Variants in WWOX observed in about 807,000 individuals in gnomAD.
The protein encoded by WWOX is WW domain containing oxidoreductase, also known as WW domain-containing oxidoreductase.
WWOX carries 69 observed loss-of-function variants against 46.2 expected under a neutral mutation model. That is an observed-to-expected ratio of 1.49 (90% CI 1.23 to 1.82). The LOEUF (loss-of-function observed/expected upper bound fraction) is 1.82, where lower values mean the gene tolerates loss of function less well. Ranked by LOEUF, WWOX falls within the 40% of genes most tolerant of loss-of-function variation. The pLI, the probability that WWOX is intolerant of heterozygous loss-of-function variation, is 0.00. For synonymous variants in WWOX, 359 were observed against 202.6 expected (o/e 1.77, Z -6.56); for missense variants, 919 against 542.6 (o/e 1.69, Z -6.89).
intron 6 of WWOX, among the ~76,000 whole-genome samples, chr16:78,413,274 C>G (rs1260944832): frequency 1.3e-5 from 2 of 152,238 alleles, no homozygotes; most frequent in African/African-American, 2.4e-5. Flanking sequence ...TGCTGATTGT[C>G]TCACGTGTCC....
chr16:78,788,049 T>A (rs2050499248), intron 8 of WWOX, among the ~76,000 whole-genome samples: 1 of 152,224 alleles, frequency 6.6e-6, no homozygotes, highest in Non-Finnish European at 1.5e-5. Flanking sequence ...TACTAGACCC[T>A]TATCGTATAA....
intron 8 of WWOX, among the ~76,000 whole-genome samples, chr16:78,454,362 G>A (rs12051248): frequency 3.6e-4 from 1 of 2,762 alleles, no homozygotes; most frequent in Non-Finnish European, 1.0e-3. Flanking sequence ...ATATTCGTGT[G>A]TGTGTGTGTG....
chr16:78,205,392 C>G (rs930466927), intron 5 of WWOX, among the ~76,000 whole-genome samples: 11 of 114,944 alleles, frequency 9.6e-5, no homozygotes, highest in African/African-American at 2.9e-4. Flanking sequence ...ATTCTTCTAT[C>G]CATCCAACCG....
chr16:78,455,819 C>T (rs2083804715), intron 8 of WWOX, among the ~76,000 whole-genome samples: 1 of 149,988 alleles, frequency 6.7e-6, no homozygotes, highest in Non-Finnish European at 1.5e-5. Flanking sequence ...CCACCAAGGA[C>T]CTCATGTTAA....
At chr16:78,820,874 C>T (rs1348001983) in intron 8 of WWOX, among the ~76,000 whole-genome samples, 2 of 152,088 alleles carry the variant, frequency 1.3e-5, no homozygotes, top group Admixed American at 1.3e-4. Context: ...TCTTGATGTC[C>T]CTTGGCTTGG....
chr16:78,315,387 G>A (rs1311298289), intron 5 of WWOX, among the ~76,000 whole-genome samples: 1 of 152,192 alleles, frequency 6.6e-6, no homozygotes, highest in African/African-American at 2.4e-5. Flanking sequence ...GGTGGCTCAA[G>A]CCTGTAATCC....
At chr16:78,519,015 A>G (rs919743378) in intron 8 of WWOX, among the ~76,000 whole-genome samples, 1 of 152,192 alleles carries the variant, frequency 6.6e-6, no homozygotes, top group Non-Finnish European at 1.5e-5. Context: ...TGGCAAGTGG[A>G]TAGGTCTAGT....
chr16:78,912,184 T>A (rs1047854790), intron 8 of WWOX, among the ~76,000 whole-genome samples: 1 of 152,078 alleles, frequency 6.6e-6, no homozygotes, highest in African/African-American at 2.4e-5. Flanking sequence ...ACATAATTAA[T>A]ACTAGCTCTT....
At chr16:78,999,273 C>G (rs1597256409) in intron 8 of WWOX, among the ~76,000 whole-genome samples, 4 of 152,056 alleles carry the variant, frequency 2.6e-5, no homozygotes, top group Admixed American at 2.6e-4. Flanking sequence ...GAGTTCGAGA[C>G]CAGCCTGACC....
In WWOX at chr16:78,849,842, G is replaced by T. The variant is rs1344843430; in HGVS notation, c.1057-361766G>T. On this transcript the variant is annotated intron_variant, in intron 8 of 8. Coordinates refer to ENST00000566780, the MANE Select transcript of WWOX (RefSeq NM_016373.4). ...AATCCCAGCACTTTGGGAGGCCGAG[G>T]TGGTCAGATCACCTAAGGTTGGGAG... Among the ~76,000 whole-genome samples, 4 of 152,264 alleles carry T rather than the reference G, an allele frequency of 2.6e-5. No homozygotes were observed. The East Asian group carries it at 5.8e-4, about 22-fold the overall frequency.
At chr16:79,148,223 C>T (rs1206460396) in intron 8 of WWOX, among the ~76,000 whole-genome samples, 2 of 152,026 alleles carry the variant, frequency 1.3e-5, no homozygotes, top group African/African-American at 4.8e-5. Context: ...CATGTATGCC[C>T]ATGATAAATT....
At chr16:78,901,926 C>T (rs1280932024) in intron 8 of WWOX, among the ~76,000 whole-genome samples, 1 of 152,214 alleles carries the variant, frequency 6.6e-6, no homozygotes, top group Non-Finnish European at 1.5e-5. Flanking sequence ...CTCCGCACCT[C>T]ACTGTTGGGC....
chr16:78,459,750 C>T (rs1357124726), intron 8 of WWOX, among the ~76,000 whole-genome samples: 3 of 152,108 alleles, frequency 2.0e-5, no homozygotes, highest in Non-Finnish European at 2.9e-5. Flanking sequence ...TTACATTCAG[C>T]CTGAAGGCCT....
chr16:78,216,162 A>T (rs546766847), intron 5 of WWOX, among the ~76,000 whole-genome samples: 2 of 152,308 alleles, frequency 1.3e-5, no homozygotes, highest in Non-Finnish European at 1.5e-5. Context: ...TCAATTAAAT[A>T]AGAACAGCTG....
intron 8 of WWOX, among the ~76,000 whole-genome samples, chr16:78,914,085 C>T (rs1335634855): frequency 6.6e-6 from 1 of 152,054 alleles, no homozygotes; most frequent in Non-Finnish European, 1.5e-5. Context: ...ATGACAGTAT[C>T]ATTCTGATGT....
chr16:79,167,567 G>A (rs1367062941), intron 8 of WWOX, among the ~76,000 whole-genome samples: 1 of 152,070 alleles, frequency 6.6e-6, no homozygotes, highest in Non-Finnish European at 1.5e-5. Flanking sequence ...TGGCCTCCAC[G>A]CATCGTAATT....
chr16:78,570,711 G>A (rs1235233560), intron 8 of WWOX, among the ~76,000 whole-genome samples: 3 of 152,166 alleles, frequency 2.0e-5, no homozygotes, highest in Non-Finnish European at 4.4e-5. Context: ...TTTACAGAGT[G>A]TGCATTTCAG....
intron 8 of WWOX, among the ~76,000 whole-genome samples, chr16:78,566,981 C>G (rs1038079392): frequency 2.6e-5 from 4 of 152,200 alleles, no homozygotes; most frequent in Non-Finnish European, 5.9e-5. Flanking sequence ...GTAATCATAG[C>G]AGAAACTCAC....
At chr16:79,170,883 T>C (rs1281898040) in intron 8 of WWOX, among the ~76,000 whole-genome samples, 1 of 152,176 alleles carries the variant, frequency 6.6e-6, no homozygotes, top group Non-Finnish European at 1.5e-5. Context: ...GGCCAAACCT[T>C]CGTGGATTCC....
Sources: gnomAD v4.1 joint callset for allele counts (sites outside exome capture counted in the v4.1 genomes callset) on GRCh38, gnomAD v4.1.1 for gene constraint, MANE v1.5 for transcripts, NCBI Gene and HGNC (gene_info 2026-07-23, HGNC 2026-07-21) for gene names.